The following CRHR1 variants were observed in gnomAD, a reference collection of about 807,000 sequenced individuals.
CRHR1 encodes the protein corticotropin-releasing hormone receptor 1.
A neutral mutation model predicts 56.0 loss-of-function variants in CRHR1; 28 were observed. That is an observed-to-expected ratio of 0.50 (90% CI 0.37 to 0.69). CRHR1 has a LOEUF of 0.69. Ranked by LOEUF, CRHR1 falls within the 30% of genes least tolerant of loss-of-function variation. The probability of loss-of-function intolerance (pLI) is 0.00; values close to 1 mark genes in which losing one functional copy is unlikely to be tolerated. For synonymous variants in CRHR1, 195 were observed against 216.5 expected, an observed-to-expected ratio of 0.90 and a Z score of 0.87; for missense variants, 376 against 548.0, an observed-to-expected ratio of 0.69 and a Z score of 3.13.
At chr17:45,803,095 G>A (rs879429967) in intron 1 of CRHR1, among the ~76,000 whole-genome samples, 1 of 152,176 alleles carries the variant, frequency 6.6e-6, no homozygotes, top group Non-Finnish European at 1.5e-5. Context: ...TAAGCAGACG[G>A]GCCCTGGAAC....
intron 1 of CRHR1, among the ~76,000 whole-genome samples, chr17:45,801,590 G>C (rs1437991837): frequency 6.6e-6 from 1 of 152,238 alleles, no homozygotes. Context: ...GGGCTGCCAG[G>C]CTGTGCACGG....
chr17:45,787,986 G>A (rs1311541260), intron 1 of CRHR1, among the ~76,000 whole-genome samples: 1 of 152,220 alleles, frequency 6.6e-6, no homozygotes, highest in Non-Finnish European at 1.5e-5. Context: ...AGAGGAGTGT[G>A]TAGATTATGG....
chr17:45,834,621 C>T lies in CRHR1; in HGVS notation c.1108-3C>T. The stretch of plus-strand genomic sequence containing the variant: ...GATGTCGTGCTCCTCCCTGTGCCCA[C>T]AGGTCCGTTCTGCCATCCGGAAGAG... On this transcript the variant is annotated splice_polypyrimidine_tract_variant and splice_region_variant and intron_variant, in intron 12 of 12. Transcript: ENST00000314537. 6.2e-7 allele frequency: 1 copy of T among 1,607,800 alleles called. No homozygotes were observed. Among genetic ancestry groups the T allele is most frequent in the Non-Finnish European group, 8.5e-7 (1 of 1,176,510 alleles).
intron 3 of CRHR1, among the ~76,000 whole-genome samples, chr17:45,820,323 C>A (rs141766482): frequency 6.6e-6 from 1 of 152,286 alleles, no homozygotes; most frequent in East Asian, 1.9e-4. Context: ...CAACCTCTGC[C>A]AGCAGAGAAG....
At chr17:45,791,924 T>TAAC (rs1244714258) in intron 1 of CRHR1, among the ~76,000 whole-genome samples, 1 of 151,832 alleles carries the variant, frequency 6.6e-6, no homozygotes, top group Middle Eastern at 3.4e-3. Flanking sequence ...GCAGTGTTTG[T>TAAC]AACACCCGCA....
intron 12 of CRHR1, 112 bp downstream of exon 12, chr17:45,834,160 T>C: frequency 3.8e-6 from 5 of 1,318,208 alleles, no homozygotes; most frequent in Non-Finnish European, 5.4e-6. Flanking sequence ...CCCTCCCTGC[T>C]CCTAGGTCCC....
intron 1 of CRHR1, among the ~76,000 whole-genome samples, chr17:45,802,768 A>C (rs1444903106): frequency 1.3e-5 from 2 of 152,230 alleles, no homozygotes; most frequent in Admixed American, 6.5e-5. Flanking sequence ...CTAGGCAGCC[A>C]AGGGAAGACT....
intron 8 of CRHR1, among the ~76,000 whole-genome samples, chr17:45,831,764 T>C (rs1236239471): frequency 6.6e-6 from 1 of 152,056 alleles, no homozygotes; most frequent in African/African-American, 2.4e-5. Flanking sequence ...CCCAGGACCT[T>C]CTTTGCCAAA....
At chr17:45,830,675 G>A (rs369593816) in intron 7 of CRHR1, 105 bp downstream of exon 7, 28 of 1,426,412 alleles carry the variant, frequency 2.0e-5, no homozygotes, top group South Asian at 4.0e-5. Context: ...GATGGAGGTC[G>A]GGTTGGGGCG....
intron 2 of CRHR1, among the ~76,000 whole-genome samples, chr17:45,815,869 G>A (rs556281864): frequency 1.3e-5 from 2 of 152,274 alleles, no homozygotes; most frequent in African/African-American, 4.8e-5. Flanking sequence ...CCTGTCCTAG[G>A]GCCCTGCACA....
intron 1 of CRHR1, among the ~76,000 whole-genome samples, chr17:45,802,300 G>T (rs1324161161): frequency 1.3e-5 from 2 of 152,202 alleles, no homozygotes; most frequent in Non-Finnish European, 2.9e-5. Flanking sequence ...ACTCTAGCCT[G>T]GGCGACAGAG....
At chr17:45,813,614 G>A (rs2061868917) in intron 2 of CRHR1, among the ~76,000 whole-genome samples, 1 of 152,206 alleles carries the variant, frequency 6.6e-6, no homozygotes, top group South Asian at 2.1e-4. Flanking sequence ...CTCTGCGATC[G>A]AGGGGCAGCT....
At chr17:45,793,567 C>T (rs2061465085) in intron 1 of CRHR1, among the ~76,000 whole-genome samples, 1 of 152,212 alleles carries the variant, frequency 6.6e-6, no homozygotes, top group South Asian at 2.1e-4. Flanking sequence ...AGATCCCGTC[C>T]GTTGGCATCC....
At chr17:45,816,704 C>G (rs941519712) in intron 3 of CRHR1, 122 bp downstream of exon 3, 131 of 1,472,700 alleles carry the variant, frequency 8.9e-5, no homozygotes, top group Non-Finnish European at 6.5e-5. Flanking sequence ...GGGGATCGCC[C>G]CTGTTTTCCA....
At chr17:45,831,025 C>A in intron 8 of CRHR1, 85 bp downstream of exon 8, 4 of 1,324,444 alleles carry the variant, frequency 3.0e-6, no homozygotes, top group Non-Finnish European at 4.3e-6. Context: ...ATTGGCCATG[C>A]TGGCTTTTTC....
chr17:45,833,693 T>TGGGGGGGGCCCCCCCCCCCCCCCC, intron 10 of CRHR1, 21 bp from the exon 11 acceptor site: 1 of 1,571,616 alleles, frequency 6.4e-7, no homozygotes, highest in Non-Finnish European at 8.7e-7. Flanking sequence ...ACTCCGAGCC[T>TGGGGGGGGCCCCCCCCCCCCCCCC]CCCCACCCGC....
rs2062283463 is a variant in CRHR1, at chr17:45,830,626, C to G, written c.709+56C>G. 5.2e-6 allele frequency: 8 copies of G among 1,548,702 alleles called. No homozygotes were observed. The East Asian group carries it at 1.6e-4, about 31-fold the overall frequency. ...GCAGTGGCGGCCGCCGGGCTGCCCT[C>G]TCCTCCAGACTCAGGCCAGCGGGCT... On this transcript the variant is annotated intron_variant, in intron 7 of 12. Transcript: ENST00000314537.
rs139757914 is a variant in CRHR1, at chr17:45,809,202, G to A, written c.121+2105G>A. Among the ~76,000 whole-genome samples the A allele has an allele frequency of 1.2e-3, 187 of 152,306 alleles. 1 individual carries two copies. Among genetic ancestry groups the A allele is most frequent in the Middle Eastern group, 3.4e-3 (1 of 294 alleles). The stretch of plus-strand genomic sequence containing the variant: ...GGACCAGGAAGAAGTGAGGAGGGAG[G>A]AGTGGGAAACTGAGAAGGTGCTAGG... On this transcript the variant is annotated intron_variant, in intron 2 of 12. Transcript: ENST00000314537.
intron 10 of CRHR1, 25 bp downstream of exon 10, chr17:45,833,562 G>A: frequency 2.5e-6 from 4 of 1,610,296 alleles, no homozygotes; most frequent in Non-Finnish European, 3.4e-6. Flanking sequence ...CCTTCCTCAG[G>A]CCTCCCCCTG....
Sources: allele counts gnomAD v4.1 joint callset (sites outside exome capture counted in the v4.1 genomes callset), GRCh38; gene constraint gnomAD v4.1.1; transcripts MANE v1.5; gene names NCBI Gene and HGNC (gene_info 2026-07-23, HGNC 2026-07-21).